Variants in CTNNA3 observed in about 807,000 individuals in gnomAD.
The protein encoded by CTNNA3 is catenin alpha-3.
In CTNNA3, 76 loss-of-function variants were observed where a neutral mutation model predicts 95.7. The ratio of observed to expected loss-of-function variants is 0.79; its 90% CI spans 0.66 to 0.96. The LOEUF (loss-of-function observed/expected upper bound fraction) is 0.96. Among genes scored for constraint, CTNNA3 ranks in the 40% least tolerant of loss-of-function variants. CTNNA3 has a pLI of 0.00. For synonymous variants in CTNNA3, 431 were observed against 374.4 expected, an observed-to-expected ratio of 1.15 and a Z score of -1.74; for missense variants, 1,191 against 1,089.8, an observed-to-expected ratio of 1.09 and a Z score of -1.31.
At chr10:66,454,703 TA>T (rs2131832478) in intron 11 of CTNNA3, among the ~76,000 whole-genome samples, 1 of 151,386 alleles carries the variant, frequency 6.6e-6, no homozygotes, top group African/African-American at 2.4e-5. Context: ...ATAGAAGAGG[TA>T]ACACTTTCCA....
At chr10:66,341,726 T>C (rs981650350) in intron 12 of CTNNA3, among the ~76,000 whole-genome samples, 3 of 151,922 alleles carry the variant, frequency 2.0e-5, no homozygotes, top group Non-Finnish European at 4.4e-5. Context: ...CTTTTCATAT[T>C]GGTTTTCGAA....
chr10:67,606,797 T>C (rs1843289348), intron 3 of CTNNA3, 60 bp downstream of exon 3: 14 of 1,314,822 alleles, frequency 1.1e-5, no homozygotes, highest in South Asian at 2.7e-5. Context: ...CAAATCTAAT[T>C]TGGGTGACTA....
intron 11 of CTNNA3, among the ~76,000 whole-genome samples, chr10:66,432,662 GAA>G (rs11424847): frequency 1.7e-5 from 2 of 120,422 alleles, no homozygotes; most frequent in Admixed American, 8.5e-5. Flanking sequence ...CCATCTCACA[GAA>G]AAAAAAAAAA....
chr10:65,972,620 AG>A (rs1391904937), intron 16 of CTNNA3, among the ~76,000 whole-genome samples: 1 of 152,132 alleles, frequency 6.6e-6, no homozygotes, highest in Non-Finnish European at 1.5e-5. Context: ...TAAAACACCT[AG>A]GCATGCATCT....
chr10:67,151,670 G>A (rs1246740511), intron 7 of CTNNA3, among the ~76,000 whole-genome samples: 2 of 152,188 alleles, frequency 1.3e-5, no homozygotes, highest in East Asian at 3.9e-4. Context: ...ACATGCTCAG[G>A]GAGCTAAGCT....
intron 10 of CTNNA3, among the ~76,000 whole-genome samples, chr10:66,539,550 C>T (rs1564520464): frequency 6.6e-6 from 1 of 151,974 alleles, no homozygotes; most frequent in African/African-American, 2.4e-5. Flanking sequence ...TTGGCATTCC[C>T]TTGTTTATAT....
At chr10:66,453,464 G>A (rs776471673) in intron 11 of CTNNA3, among the ~76,000 whole-genome samples, 2 of 152,226 alleles carry the variant, frequency 1.3e-5, no homozygotes, top group Admixed American at 6.5e-5. Context: ...CTTTTTGGCT[G>A]GAGATCCGGC....
chr10:67,580,076 A>G (rs1033874087), intron 3 of CTNNA3, among the ~76,000 whole-genome samples: 1 of 152,150 alleles, frequency 6.6e-6, no homozygotes, highest in African/African-American at 2.4e-5. Context: ...CCATTTGTCA[A>G]TTTAGGCTTT....
intron 7 of CTNNA3, among the ~76,000 whole-genome samples, chr10:67,014,000 ATT>A (rs1353519318): frequency 6.6e-6 from 1 of 152,142 alleles, no homozygotes; most frequent in East Asian, 1.9e-4. Context: ...ACTCCAGAGA[ATT>A]TGTCTCTAAA....
At chr10:66,578,605 A>G (rs2631224) in intron 10 of CTNNA3, among the ~76,000 whole-genome samples, 145,263 of 152,000 alleles carry the variant, frequency 0.96, 69,830 homozygotes, top group Non-Finnish European at 0.99. Context: ...TTCTATTTAT[A>G]TGGTGAATCA....
At chr10:67,524,927 G>C (rs1840096808) in intron 4 of CTNNA3, among the ~76,000 whole-genome samples, 1 of 152,088 alleles carries the variant, frequency 6.6e-6, no homozygotes, top group African/African-American at 2.4e-5. Context: ...GTTAATCATT[G>C]AAACAAACCT....
intron 11 of CTNNA3, among the ~76,000 whole-genome samples, chr10:66,423,368 G>A (rs2093212157): frequency 6.6e-6 from 1 of 152,004 alleles, no homozygotes; most frequent in African/African-American, 2.4e-5. Context: ...TAAAATATGG[G>A]AATAATATGT....
chr10:66,772,695 C>T (rs1296241359), intron 8 of CTNNA3, among the ~76,000 whole-genome samples: 1 of 152,130 alleles, frequency 6.6e-6, no homozygotes, highest in Non-Finnish European at 1.5e-5. Flanking sequence ...TCTTGATGTC[C>T]TCAAATCTAT....
At chr10:67,200,538 C>T (rs1462705995) in intron 6 of CTNNA3, among the ~76,000 whole-genome samples, 1 of 152,104 alleles carries the variant, frequency 6.6e-6, no homozygotes, top group Non-Finnish European at 1.5e-5. Context: ...TGTAGCCTGC[C>T]TGAATGAGGT....
In CTNNA3 at chr10:66,304,300, T is replaced by C. The variant is rs377112031; in HGVS notation, c.1733-23679A>G. ...ACTCCTCCTTCACTCCTCGCTGAAG[T>C]AGAAAATCAGAAAACCTTTTGGAAA... is the stretch of plus-strand genomic sequence containing the variant. On this transcript the variant is annotated intron_variant, in intron 12 of 17. Coordinates refer to ENST00000433211, the MANE Select transcript of CTNNA3 (RefSeq NM_013266.4). Among the ~76,000 whole-genome samples the C allele has an allele frequency of 2.6e-5, 4 of 152,132 alleles. 1 individual carries two copies. The highest frequency in any genetic ancestry group is 2.1e-4 in the South Asian group (1 of 4,828).
intron 1 of CTNNA3, among the ~76,000 whole-genome samples, chr10:67,725,097 A>G (rs976906526): frequency 1.3e-5 from 2 of 152,062 alleles, no homozygotes; most frequent in Non-Finnish European, 2.9e-5. Flanking sequence ...ACTATTTGAT[A>G]AAACAACGGA....
intron 5 of CTNNA3, among the ~76,000 whole-genome samples, chr10:67,342,197 G>T: frequency 6.7e-6 from 1 of 149,348 alleles, no homozygotes; most frequent in Non-Finnish European, 1.5e-5. Flanking sequence ...CGCCTCCCGG[G>T]TTCATGCCAT....
intron 9 of CTNNA3, among the ~76,000 whole-genome samples, chr10:66,665,811 A>T (rs566201828): frequency 6.6e-6 from 1 of 152,102 alleles, no homozygotes; most frequent in South Asian, 2.1e-4. Context: ...TGTTTTATAA[A>T]TTTTTTCCCT....
chr10:67,663,626 G>C (rs570404320), intron 1 of CTNNA3, among the ~76,000 whole-genome samples: 1 of 152,296 alleles, frequency 6.6e-6, no homozygotes, highest in African/African-American at 2.4e-5. Context: ...TCGGACACCA[G>C]CTTCCCATCG....
Sources: gnomAD v4.1 joint callset for allele counts (sites outside exome capture counted in the v4.1 genomes callset) on GRCh38, gnomAD v4.1.1 for gene constraint, MANE v1.5 for transcripts, NCBI Gene and HGNC (gene_info 2026-07-23, HGNC 2026-07-21) for gene names.